NFU1: variants seen among roughly 807,000 people sequenced by gnomAD.
NFU1 encodes NFU1 iron-sulfur cluster scaffold homolog, mitochondrial.
A neutral mutation model predicts 32.2 loss-of-function variants in NFU1; 30 were observed. That is an observed-to-expected ratio of 0.93 (90% CI 0.70 to 1.26). The LOEUF (loss-of-function observed/expected upper bound fraction) is 1.26. Among genes scored for constraint, NFU1 ranks in the 50% most tolerant of loss-of-function variants. The probability of loss-of-function intolerance (pLI) is 0.00; values close to 1 mark genes in which losing one functional copy is unlikely to be tolerated. For missense variants in NFU1, 306 were observed against 306.6 expected (o/e 1.00, Z 0.02); for synonymous variants, 112 against 104.6 (o/e 1.07, Z -0.43).
intron 2 of NFU1, 35 bp from the exon 3 acceptor site, chr2:69,423,752 A>T (rs1235080521): frequency 1.1e-5 from 16 of 1,481,198 alleles, no homozygotes; most frequent in Non-Finnish European, 1.4e-5. Flanking sequence ...TTATTCTAGA[A>T]AAAACAGTTA....
At position 69,407,607 on chromosome 2, in the gene NFU1, G is replaced by A. The variant is rs531734284; in HGVS notation, c.485-1525C>T. On this transcript the variant is annotated intron_variant, in intron 5 of 7. Coordinates refer to ENST00000410022, the MANE Select transcript of NFU1 (RefSeq NM_001002755.4). Reference sequence around the variant, plus strand: ...CGAGAATCACTTGAACCCAGATGGCGGAGGTTGAAGTGAGCTAAGATCGCA... The same window carrying A: ...CGAGAATCACTTGAACCCAGATGGCAGAGGTTGAAGTGAGCTAAGATCGCA... 1.1e-4 allele frequency among the ~76,000 whole-genome samples: 17 copies of A among 150,686 alleles called. No individual in the cohort carries two copies. In the South Asian group the frequency reaches 2.7e-3, roughly 24 times the overall value.
At chr2:69,421,977 GT>G (rs1673261871) in intron 3 of NFU1, among the ~76,000 whole-genome samples, 1 of 151,916 alleles carries the variant, frequency 6.6e-6, no homozygotes, top group Non-Finnish European at 1.5e-5. Context: ...CAAGTATTAT[GT>G]TTTTTTCCTA....
At chr2:69,435,264 G>A (rs569225642) in intron 1 of NFU1, among the ~76,000 whole-genome samples, 1 of 152,296 alleles carries the variant, frequency 6.6e-6, no homozygotes, top group South Asian at 2.1e-4. Context: ...GCAGTCTAGA[G>A]GTTAAAGGCA....
At chr2:69,399,191 C>A (rs1025762124) in intron 7 of NFU1, 3 of 283,370 alleles carry the variant, frequency 1.1e-5, no homozygotes, top group Admixed American at 5.1e-5. Flanking sequence ...GCCTGGGCAA[C>A]AGAACAAGAT....
chr2:69,396,928 C>T (rs957519085), intron 7 of NFU1, among the ~76,000 whole-genome samples: 2 of 150,702 alleles, frequency 1.3e-5, no homozygotes, highest in African/African-American at 2.4e-5. Flanking sequence ...AAAAATTAGC[C>T]GGTCGTGGTG....
chr2:69,437,174 C>A, intron 1 of NFU1, 187 bp downstream of exon 1: 2 of 1,329,778 alleles, frequency 1.5e-6, no homozygotes, highest in South Asian at 1.5e-5. Flanking sequence ...CGGATTAGGC[C>A]ACAGAAGCGC....
chr2:69,422,895 T>C (rs894468294), intron 3 of NFU1, among the ~76,000 whole-genome samples: 1 of 152,082 alleles, frequency 6.6e-6, no homozygotes, highest in Non-Finnish European at 1.5e-5. Flanking sequence ...TTTGTATTTT[T>C]TGTAGACAGG....
intron 1 of NFU1, among the ~76,000 whole-genome samples, chr2:69,433,726 T>G (rs1214419537): frequency 6.6e-6 from 1 of 152,188 alleles, no homozygotes; most frequent in Non-Finnish European, 1.5e-5. Context: ...TCCACCTGCC[T>G]TGGCCTCCCA....
intron 4 of NFU1, 36 bp from the exon 5 acceptor site, chr2:69,415,335 G>A (rs1673014976): frequency 7.7e-7 from 1 of 1,296,000 alleles, no homozygotes; most frequent in Non-Finnish European, 1.1e-6. Context: ...GTATTTCCAG[G>A]CAACGGCAAA....
At chr2:69,397,699 G>A (rs1458187385) in intron 7 of NFU1, among the ~76,000 whole-genome samples, 1 of 151,764 alleles carries the variant, frequency 6.6e-6, no homozygotes, top group Non-Finnish European at 1.5e-5. Context: ...GATCACCTGA[G>A]GTCAAGAGTT....
intron 5 of NFU1, among the ~76,000 whole-genome samples, chr2:69,407,908 G>A (rs1374733133): frequency 1.3e-5 from 2 of 151,464 alleles, no homozygotes; most frequent in Non-Finnish European, 2.9e-5. Context: ...AGTTACTTGG[G>A]AGGCTGAGGC....
rs1029246036 is a variant in NFU1 at position 69,419,921 on chromosome 2, A to G, written c.303-317T>C. Among the ~76,000 whole-genome samples, 5 of 152,316 alleles carry G rather than the reference A, an allele frequency of 3.3e-5. No homozygotes were observed. In the East Asian group the frequency reaches 9.6e-4, roughly 29 times the overall value. ...TCACCTGGTGAATGAATAGACTGCT[A>G]TATCTATACTATCAATCATTCATTC... On this transcript the variant is annotated intron_variant, in intron 3 of 7. Transcript: ENST00000410022.
At chr2:69,406,824 C>T (rs1420724831) in intron 5 of NFU1, among the ~76,000 whole-genome samples, 1 of 152,122 alleles carries the variant, frequency 6.6e-6, no homozygotes, top group Non-Finnish European at 1.5e-5. Flanking sequence ...TCTTGAACTT[C>T]AGTTCCCATA....
upstream of NFU1, among the ~76,000 whole-genome samples, chr2:69,438,115 G>A (rs899078662): frequency 6.6e-6 from 1 of 152,124 alleles, no homozygotes; most frequent in Non-Finnish European, 1.5e-5. Flanking sequence ...CTCAAAGTGC[G>A]GACTAGGGGC....
At chr2:69,437,787 C>G (rs1673909500), upstream of NFU1, among the ~76,000 whole-genome samples, 1 of 152,226 alleles carries the variant, frequency 6.6e-6, no homozygotes, top group Non-Finnish European at 1.5e-5. Flanking sequence ...CTCTAGGACC[C>G]TACTCAGCCT....
intron 6 of NFU1, among the ~76,000 whole-genome samples, 165 bp downstream of exon 6, chr2:69,405,857 A>C (rs1672677885): frequency 6.6e-6 from 1 of 152,202 alleles, no homozygotes; most frequent in Non-Finnish European, 1.5e-5. Flanking sequence ...AATGTAGAGA[A>C]GATACAGGCT....
chr2:69,420,554 G>T (rs959505480), intron 3 of NFU1, among the ~76,000 whole-genome samples: 2 of 152,114 alleles, frequency 1.3e-5, no homozygotes, highest in African/African-American at 4.8e-5. Flanking sequence ...TGCATTTGTT[G>T]TTCTGTGGTT....
chr2:69,437,963 G>A (rs1423229122), upstream of NFU1, among the ~76,000 whole-genome samples: 4 of 152,132 alleles, frequency 2.6e-5, no homozygotes, highest in Non-Finnish European at 5.9e-5. Flanking sequence ...GGACCAACCC[G>A]CACAGAGGAT....
intron 3 of NFU1, among the ~76,000 whole-genome samples, chr2:69,422,074 C>T (rs990965350): frequency 6.6e-6 from 1 of 151,968 alleles, no homozygotes; most frequent in African/African-American, 2.4e-5. Flanking sequence ...ACAATTATAA[C>T]AATATGCCAG....
Sources: allele counts gnomAD v4.1 joint callset (sites outside exome capture counted in the v4.1 genomes callset), GRCh38; gene constraint gnomAD v4.1.1; transcripts MANE v1.5; gene names NCBI Gene and HGNC (gene_info 2026-07-23, HGNC 2026-07-21).